HS3ST4: variants seen among roughly 807,000 people sequenced by gnomAD.
HS3ST4 encodes heparan sulfate glucosamine 3-O-sulfotransferase 4.
HS3ST4 carries 17 observed loss-of-function variants against 29.2 expected under a neutral mutation model. The observed-to-expected ratio is 0.58, with a 90% CI of 0.40 to 0.87. HS3ST4 has a LOEUF of 0.87. Ranked by LOEUF, HS3ST4 falls within the 40% of genes least tolerant of loss-of-function variation. The pLI, the probability that HS3ST4 is intolerant of heterozygous loss-of-function variation, is 0.00. For missense variants in HS3ST4, 627 were observed against 634.5 expected (o/e 0.99, Z 0.13); for synonymous variants, 314 against 285.7 (o/e 1.10, Z -1.00).
intron 1 of HS3ST4, among the ~76,000 whole-genome samples, chr16:25,797,236 T>C (rs192742825): frequency 6.2e-4 from 95 of 152,304 alleles, no homozygotes; most frequent in African/African-American, 2.1e-3. Flanking sequence ...TGAAAGAAGA[T>C]TCTAGATGGG....
At chr16:26,116,348 G>T (rs1292086231) in intron 1 of HS3ST4, among the ~76,000 whole-genome samples, 2 of 152,188 alleles carry the variant, frequency 1.3e-5, no homozygotes, top group Non-Finnish European at 2.9e-5. Flanking sequence ...CAATTACGTT[G>T]TATTACCATT....
intron 1 of HS3ST4, among the ~76,000 whole-genome samples, chr16:25,927,764 C>T (rs2141685914): frequency 6.6e-6 from 1 of 151,850 alleles, no homozygotes; most frequent in Admixed American, 6.5e-5. Flanking sequence ...ATTGAAAACC[C>T]CTCCATTCCT....
chr16:25,947,313 C>T (rs201949566), intron 1 of HS3ST4, among the ~76,000 whole-genome samples: 5 of 152,258 alleles, frequency 3.3e-5, no homozygotes, highest in East Asian at 3.9e-4. Flanking sequence ...ATCCATGTCA[C>T]GCCCAGCAAG....
At chr16:25,832,986 G>T (rs961628062) in intron 1 of HS3ST4, among the ~76,000 whole-genome samples, 1 of 152,200 alleles carries the variant, frequency 6.6e-6, no homozygotes, top group Admixed American at 6.5e-5. Flanking sequence ...TTATACTGGG[G>T]CATACGCCAG....
At chr16:26,133,795 T>C (rs1272450116) in intron 1 of HS3ST4, among the ~76,000 whole-genome samples, 1 of 152,190 alleles carries the variant, frequency 6.6e-6, no homozygotes. Flanking sequence ...GGGATCTTTG[T>C]CTGTATTAAG....
intron 1 of HS3ST4, among the ~76,000 whole-genome samples, chr16:25,963,565 C>T (rs1432515632): frequency 6.6e-6 from 1 of 152,222 alleles, no homozygotes; most frequent in Non-Finnish European, 1.5e-5. Context: ...TCCCATTCCT[C>T]GACAGAACAA....
chr16:25,817,340 G>T (rs1044679254), intron 1 of HS3ST4, among the ~76,000 whole-genome samples: 3 of 152,188 alleles, frequency 2.0e-5, no homozygotes, highest in Non-Finnish European at 4.4e-5. Flanking sequence ...TAGTACAGAG[G>T]TTGGCGAATT....
chr16:25,934,860 C>T (rs1275052966), intron 1 of HS3ST4, among the ~76,000 whole-genome samples: 1 of 152,004 alleles, frequency 6.6e-6, no homozygotes, highest in South Asian at 2.1e-4. Flanking sequence ...CTCATATATT[C>T]CCCTGCCCCC....
At chr16:25,983,991 G>T in intron 1 of HS3ST4, among the ~76,000 whole-genome samples, 1 of 152,042 alleles carries the variant, frequency 6.6e-6, no homozygotes, top group Non-Finnish European at 1.5e-5. Context: ...ATGGGGCAGT[G>T]ATGTTTTGAT....
Position 26,136,406 on chromosome 16 carries a change from C to G in HS3ST4, c.*158C>G. On this transcript the variant is annotated 3_prime_UTR_variant, in exon 2 of 2. Transcript: ENST00000331351. Reference sequence around the variant, plus strand: ...TTGCCTCCAGTGCTGTTAGCTTAGGCAAACAGGTGGATCCCATGGCATCCC... The same window carrying G: ...TTGCCTCCAGTGCTGTTAGCTTAGGGAAACAGGTGGATCCCATGGCATCCC... 1.4e-6 allele frequency: 1 copy of G among 699,290 alleles called. No homozygotes were observed. The highest frequency in any genetic ancestry group is 2.3e-6 in the Non-Finnish European group (1 of 428,230). The allele number at this position is 699,290 out of a possible 1,614,324, so 43.3% of individuals were successfully genotyped here. A position where few individuals can be genotyped will look rare whatever the true frequency, so the allele number is the denominator to read the frequency against.
chr16:26,089,708 G>A (rs186365616), intron 1 of HS3ST4, among the ~76,000 whole-genome samples: 8 of 152,284 alleles, frequency 5.3e-5, no homozygotes, highest in South Asian at 2.1e-4. Flanking sequence ...CTTAAGGCCC[G>A]TTGTTTTGCT....
intron 1 of HS3ST4, among the ~76,000 whole-genome samples, chr16:26,030,980 G>A (rs1400854467): frequency 6.6e-6 from 1 of 152,188 alleles, no homozygotes; most frequent in Admixed American, 6.5e-5. Context: ...TGCCTAGCAC[G>A]TAGGACATGC....
intron 1 of HS3ST4, among the ~76,000 whole-genome samples, chr16:25,929,372 C>A (rs1228828769): frequency 6.6e-6 from 1 of 150,414 alleles, no homozygotes; most frequent in African/African-American, 2.5e-5. Flanking sequence ...CTCAAACAAA[C>A]AAACAAAAAC....
chr16:25,776,984 ACAGGATACTTTTTTCCATTG>A (rs1009184603), intron 1 of HS3ST4, among the ~76,000 whole-genome samples: 7 of 152,196 alleles, frequency 4.6e-5, no homozygotes, highest in African/African-American at 1.7e-4. Flanking sequence ...TGCCCTCATT[ACAGGATACTTTTTTCCATTG>A]CAGGATACTT....
intron 1 of HS3ST4, among the ~76,000 whole-genome samples, chr16:25,828,286 T>TTCCCTC (rs1967250198): frequency 1.2e-5 from 1 of 80,460 alleles, no homozygotes; most frequent in South Asian, 5.2e-4. Context: ...CTTTCTTTCT[T>TTCCCTC]TCTTTCTTTC....
intron 1 of HS3ST4, among the ~76,000 whole-genome samples, chr16:25,907,070 G>A (rs902985674): frequency 2.6e-5 from 4 of 152,110 alleles, no homozygotes; most frequent in African/African-American, 7.2e-5. Flanking sequence ...GGTGGCACAT[G>A]CCTGTAGTCC....
chr16:25,930,618 T>G (rs963135482), intron 1 of HS3ST4, among the ~76,000 whole-genome samples: 4 of 152,248 alleles, frequency 2.6e-5, no homozygotes, highest in African/African-American at 9.6e-5. Context: ...TAATTCAGTC[T>G]GACTGCGACC....
intron 1 of HS3ST4, among the ~76,000 whole-genome samples, chr16:25,732,574 C>A (rs72778921): frequency 0.037 from 5,683 of 152,252 alleles, 155 homozygotes; most frequent in Non-Finnish European, 0.061. Flanking sequence ...AATGAATGGT[C>A]AGAGTCTGTG....
At chr16:26,117,421 C>T (rs941362398) in intron 1 of HS3ST4, among the ~76,000 whole-genome samples, 1 of 152,198 alleles carries the variant, frequency 6.6e-6, no homozygotes, top group African/African-American at 2.4e-5. Flanking sequence ...TGTAACTTGC[C>T]TTCTAGCGTG....
Sources: gnomAD v4.1 joint callset for allele counts (sites outside exome capture counted in the v4.1 genomes callset) on GRCh38, gnomAD v4.1.1 for gene constraint, MANE v1.5 for transcripts, NCBI Gene and HGNC (gene_info 2026-07-23, HGNC 2026-07-21) for gene names.